KCNMA1: variants seen among roughly 807,000 people sequenced by gnomAD.
KCNMA1 encodes the protein Calcium-activated potassium channel subunit alpha-1.
KCNMA1 carries 29 observed loss-of-function variants against 140.0 expected under a neutral mutation model. The observed-to-expected ratio is 0.21, with a 90% CI of 0.15 to 0.28. The LOEUF (loss-of-function observed/expected upper bound fraction) is 0.28, where lower values mean the gene tolerates loss of function less well. Ranked by LOEUF, KCNMA1 falls within the 10% of genes least tolerant of loss-of-function variation. KCNMA1 has a pLI of 1.00. For missense variants in KCNMA1, 880 were observed against 1,602.2 expected (o/e 0.55, Z 7.70); for synonymous variants, 612 against 611.9 (o/e 1.00, Z 0.00).
At chr10:77,290,022 G>A (rs985782284) in intron 2 of KCNMA1, among the ~76,000 whole-genome samples, 4 of 152,226 alleles carry the variant, frequency 2.6e-5, no homozygotes, top group Non-Finnish European at 4.4e-5. Flanking sequence ...CTGGCTGCCA[G>A]GGGTTAGAGA....
Position 77,073,268 on chromosome 10 carries a change from C to G in KCNMA1, c.1594-16G>C. ...GCAGATGGGCCTGGGGAAAGAAAAGCAGGTATGAGACCTTGCTCTGTTAAA... is the reference window on the plus strand; with the variant it reads ...GCAGATGGGCCTGGGGAAAGAAAAGGAGGTATGAGACCTTGCTCTGTTAAA... On this transcript the variant is annotated splice_polypyrimidine_tract_variant and intron_variant, in intron 13 of 27. Transcript: ENST00000286628. 1 of 1,613,734 alleles carries G rather than the reference C, an allele frequency of 6.2e-7. No homozygotes were observed. The highest frequency in any genetic ancestry group is 2.2e-5 in the East Asian group (1 of 44,872).
intron 2 of KCNMA1, among the ~76,000 whole-genome samples, chr10:77,317,728 A>G (rs1050708377): frequency 2.6e-5 from 4 of 152,336 alleles, no homozygotes; most frequent in East Asian, 1.9e-4. Flanking sequence ...GCCGCTGTAC[A>G]TTTCATTTTT....
chr10:77,264,023 G>A (rs1394159015), intron 2 of KCNMA1, among the ~76,000 whole-genome samples: 13 of 152,152 alleles, frequency 8.5e-5, no homozygotes, highest in African/African-American at 2.4e-4. Flanking sequence ...TACCCTTCCC[G>A]AATGAAGTAG....
chr10:77,183,671 A>C, intron 4 of KCNMA1, 139 bp from the exon 5 acceptor site: 1 of 689,356 alleles, frequency 1.5e-6, no homozygotes, highest in Non-Finnish European at 2.6e-6. Flanking sequence ...ATTTTTAGTA[A>C]AGATGGGATT....
chr10:76,915,083 C>A, intron 23 of KCNMA1, 34 bp from the exon 24 acceptor site: 1 of 1,506,624 alleles, frequency 6.6e-7, no homozygotes, highest in South Asian at 1.1e-5. Flanking sequence ...GAAGAAAAAT[C>A]AGAGAAGTAG....
chr10:77,399,517 C>T (rs185590322), intron 2 of KCNMA1, among the ~76,000 whole-genome samples: 12 of 152,328 alleles, frequency 7.9e-5, no homozygotes, highest in Admixed American at 5.2e-4. Flanking sequence ...CCCTCAGCCA[C>T]GTGCTCCAAG....
At chr10:77,306,977 G>A (rs555204205) in intron 2 of KCNMA1, among the ~76,000 whole-genome samples, 69 of 152,294 alleles carry the variant, frequency 4.5e-4, no homozygotes, top group Admixed American at 3.7e-3. Context: ...GTATTGGTAC[G>A]AGGTCAAGTG....
chr10:77,322,098 T>C (rs1223494042), intron 2 of KCNMA1, among the ~76,000 whole-genome samples: 1 of 152,180 alleles, frequency 6.6e-6, no homozygotes, highest in Admixed American at 6.5e-5. Context: ...TGATTGTATC[T>C]TGTGGTCTAC....
At chr10:77,295,466 G>A (rs1482757844) in intron 2 of KCNMA1, among the ~76,000 whole-genome samples, 1 of 151,970 alleles carries the variant, frequency 6.6e-6, no homozygotes, top group South Asian at 2.1e-4. Flanking sequence ...CTCACTGAAA[G>A]TGTACACTAG....
At chr10:77,013,370 T>G (rs2091294535) in intron 17 of KCNMA1, among the ~76,000 whole-genome samples, 1 of 151,986 alleles carries the variant, frequency 6.6e-6, no homozygotes, top group African/African-American at 2.4e-5. Context: ...GCTTGCTCTA[T>G]CCTAGCAAAT....
At chr10:77,008,063 T>C in intron 18 of KCNMA1, 1 of 993,276 alleles carries the variant, frequency 1.0e-6, no homozygotes, top group Non-Finnish European at 1.5e-6. Context: ...CACTGCTACA[T>C]GCAACATAAA....
At chr10:77,270,714 G>C (rs997216897) in intron 2 of KCNMA1, among the ~76,000 whole-genome samples, 3 of 151,382 alleles carry the variant, frequency 2.0e-5, no homozygotes, top group Non-Finnish European at 2.9e-5. Context: ...AGTAGAGTTG[G>C]GGTTTCACTA....
chr10:77,590,673 G>C (rs1004846409), intron 1 of KCNMA1, among the ~76,000 whole-genome samples: 1 of 152,268 alleles, frequency 6.6e-6, no homozygotes, highest in Non-Finnish European at 1.5e-5. Flanking sequence ...CTCAAGTGCC[G>C]CCAAAGTGGG....
At chr10:76,895,952 G>A (rs753866460) in intron 25 of KCNMA1, among the ~76,000 whole-genome samples, 3 of 152,176 alleles carry the variant, frequency 2.0e-5, no homozygotes, top group Non-Finnish European at 4.4e-5. Context: ...CAAGGCAAAA[G>A]GTCAGGGCGA....
intron 2 of KCNMA1, among the ~76,000 whole-genome samples, chr10:77,285,100 C>T (rs2070283352): frequency 6.6e-6 from 1 of 152,124 alleles, no homozygotes; most frequent in Non-Finnish European, 1.5e-5. Context: ...ATAAAATCTA[C>T]CAAGTTAAGT....
chr10:77,380,966 A>C (rs2095362770), intron 2 of KCNMA1, among the ~76,000 whole-genome samples: 1 of 152,250 alleles, frequency 6.6e-6, no homozygotes, highest in East Asian at 1.9e-4. Flanking sequence ...TTTACAGCTT[A>C]GCCCTGGGCA....
rs560252391 is a variant in KCNMA1 at position 77,579,332 on chromosome 10, T to G, written c.378+57933A>C. On this transcript the variant is annotated intron_variant, in intron 1 of 27. Coordinates refer to ENST00000286628, the MANE Select transcript of KCNMA1 (RefSeq NM_001161352.2). ...ACAGGTGTGTGCGAAGAAGCCTGAA[T>G]TTTATCCTACAGCTCAGGTGTGGGC... Among the ~76,000 whole-genome samples the G allele has an allele frequency of 5.9e-5, 9 of 152,276 alleles. No individual in the cohort carries two copies. In the East Asian group the frequency reaches 1.2e-3, roughly 20 times the overall value.
chr10:77,340,711 T>C (rs1275428687), intron 2 of KCNMA1, among the ~76,000 whole-genome samples: 1 of 58,986 alleles, frequency 1.7e-5, no homozygotes, highest in African/African-American at 7.1e-5. Context: ...GGGCCTGTCG[T>C]GGGGTCGGGG....
intron 2 of KCNMA1, among the ~76,000 whole-genome samples, chr10:77,277,373 G>A (rs1415060435): frequency 3.3e-5 from 5 of 152,144 alleles, no homozygotes; most frequent in Non-Finnish European, 5.9e-5. Flanking sequence ...CGATGGGTCT[G>A]GGCCAGGATT....
Sources: gnomAD v4.1 joint callset for allele counts (sites outside exome capture counted in the v4.1 genomes callset) on GRCh38, gnomAD v4.1.1 for gene constraint, MANE v1.5 for transcripts, NCBI Gene and HGNC (gene_info 2026-07-23, HGNC 2026-07-21) for gene names.